SORCS3: variants seen among roughly 807,000 people sequenced by gnomAD.
The protein encoded by SORCS3 is sortilin related VPS10 domain containing receptor 3.
A neutral mutation model predicts 146.3 loss-of-function variants in SORCS3; 57 were observed. The ratio of observed to expected loss-of-function variants is 0.39; its 90% confidence interval spans 0.31 to 0.49. The LOEUF (loss-of-function observed/expected upper bound fraction) is 0.49, where lower values mean the gene tolerates loss of function less well. Among genes scored for constraint, SORCS3 ranks in the 20% least tolerant of loss-of-function variants. The pLI is 0.92. For synonymous variants in SORCS3, 653 were observed against 618.5 expected, an observed-to-expected ratio of 1.06 and a Z score of -0.83; for missense variants, 1,341 against 1,575.5, an observed-to-expected ratio of 0.85 and a Z score of 2.52.
intron 22 of SORCS3, among the ~76,000 whole-genome samples, chr10:105,248,966 G>C (rs958633869): frequency 2.0e-5 from 3 of 152,136 alleles, no homozygotes; most frequent in Non-Finnish European, 4.4e-5. Flanking sequence ...ACCCATTCTG[G>C]TGGCAATGCA....
chr10:104,836,794 C>T (rs1182566225), intron 1 of SORCS3, among the ~76,000 whole-genome samples: 2 of 152,076 alleles, frequency 1.3e-5, no homozygotes, highest in Non-Finnish European at 2.9e-5. Flanking sequence ...GCACTCAACA[C>T]AGCCCATACT....
chr10:104,824,994 G>A (rs1309948045), intron 1 of SORCS3, among the ~76,000 whole-genome samples: 2 of 152,206 alleles, frequency 1.3e-5, no homozygotes, highest in Non-Finnish European at 1.5e-5. Context: ...TCTTCCCATC[G>A]CGGAGGCTGT....
chr10:105,149,187 G>A (rs1463179049), intron 9 of SORCS3, among the ~76,000 whole-genome samples: 4 of 152,180 alleles, frequency 2.6e-5, no homozygotes, highest in African/African-American at 9.6e-5. Flanking sequence ...GTAGCAGTGT[G>A]AGAATGGACT....
chr10:104,731,013 C>T (rs577433941), intron 1 of SORCS3, among the ~76,000 whole-genome samples: 1 of 152,290 alleles, frequency 6.6e-6, no homozygotes, highest in East Asian at 1.9e-4. Context: ...GCCAGGGGGC[C>T]AAGGTTGAAT....
chr10:105,232,513 T>C (rs946790309), intron 20 of SORCS3, among the ~76,000 whole-genome samples: 3 of 151,998 alleles, frequency 2.0e-5, no homozygotes, highest in Non-Finnish European at 4.4e-5. Context: ...ATTTTCTCTA[T>C]TGATTTCCTA....
At chr10:104,764,973 AT>A (rs2017162674) in intron 1 of SORCS3, among the ~76,000 whole-genome samples, 1 of 152,150 alleles carries the variant, frequency 6.6e-6, no homozygotes, top group Non-Finnish European at 1.5e-5. Flanking sequence ...GAGTGCTGTG[AT>A]GGATCAGTGA....
At chr10:105,167,421 T>C in intron 13 of SORCS3, 72 bp downstream of exon 13, 1 of 1,111,016 alleles carries the variant, frequency 9.0e-7, no homozygotes, top group South Asian at 1.3e-5. Flanking sequence ...TGATGAGTTA[T>C]TCTGCATGGT....
At chr10:105,203,023 G>A (rs2056583473) in intron 16 of SORCS3, among the ~76,000 whole-genome samples, 1 of 152,140 alleles carries the variant, frequency 6.6e-6, no homozygotes, top group Non-Finnish European at 1.5e-5. Context: ...CCCCTGAATG[G>A]CAGCCTCACT....
chr10:104,953,577 T>C lies in SORCS3; in HGVS notation c.796-23758T>C, dbSNP rs1055096204. 3.3e-5 allele frequency among the ~76,000 whole-genome samples: 5 copies of C among 152,356 alleles called. No individual in the cohort carries two copies. The East Asian group carries it at 5.8e-4, about 18-fold the overall frequency. ...TGATGGCATTTTCCAGGTGCCACCA[T>C]TGGCTAACAATTATACCATTGGTAC... On this transcript the variant is annotated intron_variant, in intron 3 of 26. Coordinates refer to ENST00000369701, the MANE Select transcript of SORCS3 (RefSeq NM_014978.3).
chr10:105,106,061 A>G (rs547920354), intron 7 of SORCS3, among the ~76,000 whole-genome samples: 1 of 152,240 alleles, frequency 6.6e-6, no homozygotes, highest in South Asian at 2.1e-4. Context: ...GCCTTCTTTT[A>G]CATTTTCGGT....
At chr10:105,004,000 C>CTCTTTTTTTTT (rs1308074575) in intron 4 of SORCS3, among the ~76,000 whole-genome samples, 15 of 140,230 alleles carry the variant, frequency 1.1e-4, no homozygotes, top group African/African-American at 3.8e-4. Context: ...TCTTCTCTCT[C>CTCTTTTTTTTT]TTTTTTTTTT....
At chr10:105,029,500 G>A (rs1229629223) in intron 4 of SORCS3, among the ~76,000 whole-genome samples, 2 of 152,212 alleles carry the variant, frequency 1.3e-5, no homozygotes, top group Non-Finnish European at 2.9e-5. Context: ...CAGTCCAGCT[G>A]TTACTCTGCA....
At chr10:105,241,753 C>T (rs144754796) in intron 20 of SORCS3, among the ~76,000 whole-genome samples, 279 of 152,188 alleles carry the variant, frequency 1.8e-3, no homozygotes, top group Non-Finnish European at 2.9e-3. Flanking sequence ...GAAGTCAGGC[C>T]GTCGTCTTCT....
chr10:104,848,389 C>G (rs1396337586), intron 2 of SORCS3, among the ~76,000 whole-genome samples: 1 of 151,994 alleles, frequency 6.6e-6, no homozygotes, highest in African/African-American at 2.4e-5. Context: ...CAAGAAAACC[C>G]TGATAATAAT....
In SORCS3 at chr10:104,853,888, T is replaced by C. The variant is rs558825896; in HGVS notation, c.695+11029T>C. 2.3e-4 allele frequency among the ~76,000 whole-genome samples: 35 copies of C among 152,350 alleles called. 1 individual carries two copies. In the South Asian group the frequency reaches 7.2e-3, roughly 32 times the overall value. On this transcript the variant is annotated intron_variant, in intron 2 of 26. Coordinates refer to ENST00000369701, the MANE Select transcript of SORCS3 (RefSeq NM_014978.3). ...CCATCAGTTATTATGTGTCAGAGAA[T>C]GTTCCAGGAGCTTTAACCATAAAAA...
intron 1 of SORCS3, among the ~76,000 whole-genome samples, chr10:104,791,199 G>A (rs865846049): frequency 4.6e-5 from 7 of 152,204 alleles, no homozygotes; most frequent in African/African-American, 1.4e-4. Context: ...TAGAAAAGCC[G>A]AGGAGGGGGC....
intron 8 of SORCS3, among the ~76,000 whole-genome samples, chr10:105,146,392 G>T (rs2056131364): frequency 6.6e-6 from 1 of 151,904 alleles, no homozygotes; most frequent in South Asian, 2.1e-4. Flanking sequence ...AAATAAAAAT[G>T]ATCCAGTCCG....
intron 2 of SORCS3, among the ~76,000 whole-genome samples, chr10:104,874,951 AT>A (rs1321181160): frequency 6.6e-6 from 1 of 152,170 alleles, no homozygotes; most frequent in Admixed American, 6.6e-5. Context: ...AATAACTTGA[AT>A]CCTTGAATTA....
At chr10:105,115,431 C>T (rs536604770) in intron 7 of SORCS3, among the ~76,000 whole-genome samples, 5 of 152,048 alleles carry the variant, frequency 3.3e-5, no homozygotes, top group Admixed American at 6.6e-5. Flanking sequence ...TTTTATAAGC[C>T]GATCACATAA....
Sources: gnomAD v4.1 joint callset for allele counts (sites outside exome capture counted in the v4.1 genomes callset) on GRCh38, gnomAD v4.1.1 for gene constraint, MANE v1.5 for transcripts, NCBI Gene and HGNC (gene_info 2026-07-23, HGNC 2026-07-21) for gene names.